UTP4: variants seen among roughly 807,000 people sequenced by gnomAD.
UTP4 encodes the protein UTP4 small subunit processome component, also known as U3 small nucleolar RNA-associated protein 4 homolog.
Under a neutral mutation model 82.4 loss-of-function variants are expected in UTP4, and 45 were observed. That is an observed-to-expected ratio of 0.55 (90% confidence interval 0.43 to 0.70). The LOEUF (loss-of-function observed/expected upper bound fraction) is 0.70. UTP4 is among the 30% of genes least tolerant of loss of function. The probability of loss-of-function intolerance (pLI) is 0.00; values close to 1 mark genes in which losing one functional copy is unlikely to be tolerated. For synonymous variants in UTP4, 348 were observed against 300.3 expected (o/e 1.16, Z -1.64); for missense variants, 819 against 858.3 (o/e 0.95, Z 0.57).
intron 11 of UTP4, 126 bp from the exon 12 acceptor site, chr16:69,156,958 G>C (rs1963431977): frequency 3.4e-6 from 3 of 893,762 alleles, no homozygotes; most frequent in Non-Finnish European, 5.6e-6. Context: ...CCAGTGTTCT[G>C]TGCCGAGTCA....
intron 6 of UTP4, among the ~76,000 whole-genome samples, chr16:69,143,618 T>C (rs1284560341): frequency 6.6e-6 from 1 of 152,232 alleles, no homozygotes; most frequent in Non-Finnish European, 1.5e-5. Flanking sequence ...AGATTTTCTT[T>C]AGACACTGCT....
At chr16:69,149,423 G>C (rs1408541919) in intron 6 of UTP4, among the ~76,000 whole-genome samples, 1 of 151,776 alleles carries the variant, frequency 6.6e-6, no homozygotes, top group Non-Finnish European at 1.5e-5. Flanking sequence ...GGTGGTGTGT[G>C]CCTGTAATCC....
intron 9 of UTP4, 107 bp from the exon 10 acceptor site, chr16:69,154,286 T>G (rs1051859732): frequency 5.6e-5 from 48 of 860,340 alleles, no homozygotes; most frequent in Non-Finnish European, 7.5e-5. Context: ...TTTTCTGATT[T>G]CCCACTGATA....
chr16:69,134,305 C>G (rs1422688031), intron 2 of UTP4, among the ~76,000 whole-genome samples: 1 of 151,006 alleles, frequency 6.6e-6, no homozygotes, highest in East Asian at 1.9e-4. Context: ...AGCCTGGTAC[C>G]TGGAATTTAG....
At chr16:69,143,906 A>T (rs752405916) in intron 6 of UTP4, among the ~76,000 whole-genome samples, 2 of 150,226 alleles carry the variant, frequency 1.3e-5, no homozygotes, top group Non-Finnish European at 3.0e-5. Context: ...TCTTTTTTTG[A>T]GATGGAGTTT....
intron 6 of UTP4, among the ~76,000 whole-genome samples, chr16:69,143,590 A>G (rs1317937086): frequency 6.6e-6 from 1 of 152,206 alleles, no homozygotes; most frequent in Non-Finnish European, 1.5e-5. Context: ...GGATACTCCA[A>G]GAGATTAGTT....
At chr16:69,144,391 T>G (rs1016572406) in intron 6 of UTP4, among the ~76,000 whole-genome samples, 3 of 151,742 alleles carry the variant, frequency 2.0e-5, no homozygotes, top group African/African-American at 4.8e-5. Flanking sequence ...GCTTTCACCA[T>G]GATGGCCAGG....
intron 10 of UTP4, among the ~76,000 whole-genome samples, chr16:69,155,383 C>G (rs1372371688): frequency 6.6e-6 from 1 of 151,990 alleles, no homozygotes; most frequent in African/African-American, 2.4e-5. Context: ...CCAGACAGGT[C>G]TTGAACTCCT....
At position 69,136,812 on chromosome 16, in the gene UTP4, C is replaced by T. The variant is rs748586877; in HGVS notation, c.276C>T (p.Asn92=). 2 of 1,614,154 alleles carry T rather than the reference C, an allele frequency of 1.2e-6. No homozygotes were observed. The highest frequency in any genetic ancestry group is 2.2e-5 in the South Asian group (2 of 91,080). The change falls in exon 3 of 17, where the codon AAC becomes AAT. Residue 92 remains asparagine, a synonymous_variant. Coordinates refer to ENST00000314423, the MANE Select transcript of UTP4 (RefSeq NM_032830.3). ...EIMEYDLQAL[N]IKYAMDAFGG... is the part of the protein sequence containing the mutation. ...TGGAGTATGATTTACAGGCGTTAAA[C>T]ATCAAGTATGCTATGGATGCCTTTG...
chr16:69,168,807 T>C lies in UTP4; in HGVS notation c.1945-14T>C, dbSNP rs1198302104. 2.0e-6 allele frequency: 3 copies of C among 1,514,426 alleles called. No individual in the cohort carries two copies. The highest frequency in any genetic ancestry group is 1.4e-5 in the African/African-American group (1 of 72,914). The allele number at this position is 1,514,426 out of a possible 1,614,324, so 93.8% of individuals were successfully genotyped here. A position where few individuals can be genotyped will look rare whatever the true frequency, so the allele number is the denominator to read the frequency against. Reference sequence around the variant, plus strand: ...ATCCTAAGTCCTGATAGAATAATTATCATCCCTCTGCAGCCTCTACTCTTC... The same window carrying C: ...ATCCTAAGTCCTGATAGAATAATTACCATCCCTCTGCAGCCTCTACTCTTC... On this transcript the variant is annotated splice_polypyrimidine_tract_variant and intron_variant, in intron 16 of 16. Transcript: ENST00000314423.
chr16:69,154,401 G>A lies in UTP4; in HGVS notation c.1108G>A (p.Gly370Arg). 6.2e-7 allele frequency: 1 copy of A among 1,610,958 alleles called. No individual in the cohort carries two copies. Among genetic ancestry groups the A allele is most frequent in the Non-Finnish European group, 8.5e-7 (1 of 1,177,334 alleles). The change falls in exon 10 of 17, where the codon GGG (glycine) becomes AGG (arginine). Residue 370 changes from glycine to arginine, a missense_variant. By Grantham distance (125) the Gly-to-Arg change is moderately radical. Coordinates refer to ENST00000314423, the MANE Select transcript of UTP4 (RefSeq NM_032830.3). ...GAAGTTTCTTGTTTCAGGCAAGAAT[G>A]GGGATACTCTTCCACTCTCTAAAAA... ...LGSTVATGKN[G>R]DTLPLSKNAD...
chr16:69,151,567 G>A (rs996889872), intron 8 of UTP4, among the ~76,000 whole-genome samples: 4 of 151,230 alleles, frequency 2.6e-5, no homozygotes, highest in Non-Finnish European at 4.4e-5. Flanking sequence ...TGATACGCCC[G>A]CCTCGGCCTC....
Position 69,133,443 on chromosome 16 carries a change from C to G in UTP4, c.-2-15C>G. On this transcript the variant is annotated splice_polypyrimidine_tract_variant and intron_variant, in intron 1 of 16. Transcript: ENST00000314423. ...GTTAACATATAGCAATAATGACTCTCTTTTCGCCCCCTAGGAATGGGTGAA... is the reference window on the plus strand; with the variant it reads ...GTTAACATATAGCAATAATGACTCTGTTTTCGCCCCCTAGGAATGGGTGAA... 4 of 1,613,852 alleles carry G rather than the reference C, an allele frequency of 2.5e-6. No individual in the cohort carries two copies. Among genetic ancestry groups the G allele is most frequent in the Non-Finnish European group, 3.4e-6 (4 of 1,179,782 alleles).
At chr16:69,156,254 A>C (rs1247052558) in intron 11 of UTP4, among the ~76,000 whole-genome samples, 6 of 148,246 alleles carry the variant, frequency 4.0e-5, no homozygotes, top group African/African-American at 1.5e-4. Context: ...TCTTGGGTTC[A>C]AGCGATTCCT....
chr16:69,140,290 G>T (rs993904499), intron 5 of UTP4, among the ~76,000 whole-genome samples: 1 of 152,156 alleles, frequency 6.6e-6, no homozygotes, highest in South Asian at 2.1e-4. Flanking sequence ...TGAAACATGA[G>T]ATCAGAAAAG....
At chr16:69,146,957 G>A (rs1197373508) in intron 6 of UTP4, among the ~76,000 whole-genome samples, 2 of 145,676 alleles carry the variant, frequency 1.4e-5, no homozygotes, top group African/African-American at 5.1e-5. Context: ...GAGTGCGATC[G>A]CGCCACTGCA....
intron 6 of UTP4, among the ~76,000 whole-genome samples, chr16:69,149,757 C>T (rs1038256743): frequency 2.6e-5 from 4 of 151,970 alleles, no homozygotes; most frequent in Non-Finnish European, 5.9e-5. Context: ...AAGCCAGAGT[C>T]TCGCCCTGTT....
chr16:69,152,987 T>C (rs765546634), intron 8 of UTP4, among the ~76,000 whole-genome samples: 2 of 152,160 alleles, frequency 1.3e-5, no homozygotes, highest in Non-Finnish European at 2.9e-5. Context: ...GTTATCCCTG[T>C]TGGCTTCAGC....
intron 3 of UTP4, among the ~76,000 whole-genome samples, chr16:69,137,146 T>C (rs1013493518): frequency 2.6e-5 from 4 of 152,214 alleles, no homozygotes; most frequent in Non-Finnish European, 4.4e-5. Flanking sequence ...AATTTGGAGA[T>C]GTAGAGGTTT....
Sources: gnomAD v4.1 joint callset for allele counts (sites outside exome capture counted in the v4.1 genomes callset) on GRCh38, gnomAD v4.1.1 for gene constraint, MANE v1.5 for transcripts, NCBI Gene and HGNC (gene_info 2026-07-23, HGNC 2026-07-21) for gene names.